The following TP63 variants were observed in gnomAD, a reference collection of about 807,000 sequenced individuals.
The protein encoded by TP63 is tumor protein 63.
Under a neutral mutation model 82.8 loss-of-function variants are expected in TP63, and 17 were observed. The ratio of observed to expected loss-of-function variants is 0.21; its 90% confidence interval spans 0.14 to 0.31. The LOEUF (loss-of-function observed/expected upper bound fraction) is 0.31. Ranked by LOEUF, TP63 falls within the 10% of genes least tolerant of loss-of-function variation. TP63 has a pLI of 1.00. For synonymous variants in TP63, 330 were observed against 321.7 expected (o/e 1.03, Z -0.28); for missense variants, 648 against 895.3 (o/e 0.72, Z 3.52).
chr3:189,697,232 A>AATTTTTT lies in TP63; in HGVS notation c.63-40508_63-40507insATTTTTT, dbSNP rs146092678. On this transcript the variant is annotated intron_variant, in intron 1 of 13. Coordinates refer to ENST00000264731, the MANE Select transcript of TP63 (RefSeq NM_003722.5). ...AGATGTAAGGTGTATGTCTAGGTTC[A>AATTTTTT]GTTTTTTTTTTTTTTTTGCATATGG... 1.3e-4 allele frequency among the ~76,000 whole-genome samples: 3 copies of AATTTTTT among 22,406 alleles called. 1 individual carries two copies. The highest frequency in any genetic ancestry group is 2.7e-4 in the Non-Finnish European group (2 of 7,316). 14.7% of individuals were successfully genotyped at this position (22,406 alleles called of 152,430 possible). A position where few individuals can be genotyped will look rare whatever the true frequency, so the allele number is the denominator to read the frequency against.
intron 1 of TP63, among the ~76,000 whole-genome samples, chr3:189,709,445 G>A (rs1320519411): frequency 7.9e-5 from 12 of 151,892 alleles, no homozygotes; most frequent in Non-Finnish European, 5.9e-5. Context: ...TTCCACTATG[G>A]AGCCCACAGT....
intron 10 of TP63, among the ~76,000 whole-genome samples, chr3:189,883,717 C>A (rs974238245): frequency 6.6e-6 from 1 of 152,130 alleles, no homozygotes; most frequent in African/African-American, 2.4e-5. Context: ...ACTTGTACAA[C>A]ATCCTGCGTC....
intron 3 of TP63, among the ~76,000 whole-genome samples, chr3:189,755,242 A>G (rs932006723): frequency 6.6e-6 from 1 of 152,040 alleles, no homozygotes; most frequent in Non-Finnish European, 1.5e-5. Flanking sequence ...TCTCTGTACC[A>G]TTTTTCCTCA....
Position 189,739,493 on chromosome 3 carries a change from T to C in TP63, c.324+719T>C, listed in dbSNP as rs559475792. 8.5e-5 allele frequency among the ~76,000 whole-genome samples: 13 copies of C among 152,288 alleles called. No individual in the cohort carries two copies. In the South Asian group the frequency reaches 2.7e-3, roughly 32 times the overall value. ...AAACAACTTCTCTATCCTTCTTTAA[T>C]GCAGGAGGAATTTATGCACATGAAT... is the stretch of plus-strand genomic sequence containing the variant. On this transcript the variant is annotated intron_variant, in intron 3 of 13. Transcript: ENST00000264731.
intron 1 of TP63, among the ~76,000 whole-genome samples, chr3:189,693,180 A>G (rs1424531670): frequency 6.6e-6 from 1 of 152,224 alleles, no homozygotes; most frequent in Non-Finnish European, 1.5e-5. Flanking sequence ...CTTTGACTCC[A>G]GAATTTCATA....
At chr3:189,606,001 A>G in the TP63 span, among the ~76,000 whole-genome samples, 1 of 152,174 alleles carries the variant, frequency 6.6e-6, no homozygotes, top group Non-Finnish European at 1.5e-5. Flanking sequence ...GGTTCCAAAG[A>G]CCATACACAA....
intron 4 of TP63, among the ~76,000 whole-genome samples, chr3:189,859,653 T>C (rs566875494): frequency 1.3e-5 from 2 of 152,280 alleles, no homozygotes; most frequent in Non-Finnish European, 2.9e-5. Flanking sequence ...AGTTTGTTAG[T>C]AAGCATACAC....
At chr3:189,681,722 A>G (rs950582051) in intron 1 of TP63, among the ~76,000 whole-genome samples, 4 of 152,028 alleles carry the variant, frequency 2.6e-5, no homozygotes, top group African/African-American at 9.7e-5. Flanking sequence ...GACTGCCTCT[A>G]AAAGTAAATA....
intron 1 of TP63, among the ~76,000 whole-genome samples, chr3:189,658,764 A>G (rs1316093140): frequency 6.6e-6 from 1 of 152,074 alleles, no homozygotes; most frequent in Non-Finnish European, 1.5e-5. Context: ...ATAATGTGGT[A>G]TCCTGTATGG....
chr3:189,725,142 T>C (rs1372650717), intron 1 of TP63, among the ~76,000 whole-genome samples: 1 of 152,210 alleles, frequency 6.6e-6, no homozygotes, highest in Non-Finnish European at 1.5e-5. Flanking sequence ...ATAAACCACA[T>C]TTCCTGTCTT....
intron 3 of TP63, among the ~76,000 whole-genome samples, chr3:189,804,414 T>G (rs1390191732): frequency 6.6e-6 from 1 of 152,228 alleles, no homozygotes; most frequent in East Asian, 1.9e-4. Context: ...TGTTTAATGC[T>G]TTGCTATCAT....
At chr3:189,772,517 A>G (rs1723454534) in intron 3 of TP63, among the ~76,000 whole-genome samples, 1 of 152,216 alleles carries the variant, frequency 6.6e-6, no homozygotes, top group African/African-American at 2.4e-5. Context: ...TATGTTCCAT[A>G]GTTGCTCTCA....
At chr3:189,851,201 G>C (rs1715580985) in intron 4 of TP63, among the ~76,000 whole-genome samples, 1 of 152,158 alleles carries the variant, frequency 6.6e-6, no homozygotes, top group African/African-American at 2.4e-5. Flanking sequence ...GCCAAAATGT[G>C]GGTTAGATGT....
intron 3 of TP63, among the ~76,000 whole-genome samples, chr3:189,782,431 A>AG (rs1724298340): frequency 6.6e-6 from 1 of 152,154 alleles, no homozygotes; most frequent in Non-Finnish European, 1.5e-5. Context: ...GGCAGTAAGT[A>AG]GGGGGGCCAG....
the TP63 span, among the ~76,000 whole-genome samples, chr3:189,609,844 G>A: frequency 6.6e-6 from 1 of 152,110 alleles, no homozygotes; most frequent in Non-Finnish European, 1.5e-5. Context: ...ATGAATGTTT[G>A]CATGCATATG....
intron 1 of TP63, among the ~76,000 whole-genome samples, chr3:189,697,385 T>C (rs73195987): frequency 0.16 from 23,714 of 151,924 alleles, 2,035 homozygotes; most frequent in Admixed American, 0.24. Context: ...ATCTGAACCT[T>C]CCATTCTGTT....
At chr3:189,605,232 TTC>T in the TP63 span, among the ~76,000 whole-genome samples, 1 of 152,250 alleles carries the variant, frequency 6.6e-6, no homozygotes, top group Non-Finnish European at 1.5e-5. Context: ...GGCTTATAAT[TTC>T]AGGCCACTGA....
rs1464459460 is a variant in TP63 at position 189,890,875 on chromosome 3, C to T, written c.1739C>T (p.Ser580Phe). 1 of 1,613,722 alleles carries T rather than the reference C, an allele frequency of 6.2e-7. No individual in the cohort carries two copies. Among genetic ancestry groups the T allele is most frequent in the Non-Finnish European group, 8.5e-7 (1 of 1,179,758 alleles). The part of the protein sequence containing the change: ...LTTIYQIEHY[S>F]MDDLASLKIP... ...ACCATCTATCAGATTGAGCATTACT[C>T]CATGGATGTAAGTAACTGTTAGACT... Residue 580 changes from serine (S) to phenylalanine (F), a missense_variant, in exon 13 of 14, where the codon TCC becomes TTC. Around this residue, in one of 5 missense-constraint regions of TP63, gnomAD observed 342 missense variants for 425.7 expected, o/e 0.80. Coordinates refer to ENST00000264731, the MANE Select transcript of TP63 (RefSeq NM_003722.5).
intron 4 of TP63, among the ~76,000 whole-genome samples, chr3:189,827,105 G>A (rs544528939): frequency 6.6e-6 from 1 of 152,320 alleles, no homozygotes; most frequent in East Asian, 1.9e-4. Context: ...AATTGTGCTA[G>A]TTATTATTAA....
Sources: gnomAD v4.1 joint callset for allele counts (sites outside exome capture counted in the v4.1 genomes callset) on GRCh38, gnomAD v4.1.1 for gene constraint, gnomAD v4.1.1 regional missense constraint, MANE v1.5 for transcripts, NCBI Gene and HGNC (gene_info 2026-07-23, HGNC 2026-07-21) for gene names.